Variants in ERC2 observed in about 807,000 individuals in gnomAD.
The protein encoded by ERC2 is ERC protein 2.
Under a neutral mutation model 114.8 loss-of-function variants are expected in ERC2, and 42 were observed. That is an observed-to-expected ratio of 0.37 (90% CI 0.29 to 0.47). The LOEUF is 0.47. Among genes scored for constraint, ERC2 ranks in the 20% least tolerant of loss-of-function variants. ERC2 has a pLI of 0.99. For synonymous variants in ERC2, 454 were observed against 425.5 expected, an observed-to-expected ratio of 1.07 and a Z score of -0.82; for missense variants, 939 against 1,150.7, an observed-to-expected ratio of 0.82 and a Z score of 2.66.
intron 6 of ERC2, 43 bp downstream of exon 6, chr3:56,139,466 A>T (rs770957350): frequency 6.3e-7 from 1 of 1,574,856 alleles, no homozygotes; most frequent in South Asian, 1.2e-5. Context: ...ATTTCTATCA[A>T]TTCAATGTCT....
chr3:55,550,025 A>C (rs2055058957), intron 17 of ERC2, among the ~76,000 whole-genome samples: 1 of 151,142 alleles, frequency 6.6e-6, no homozygotes. Context: ...CTTACTGCAC[A>C]TTGTCTGGAC....
At chr3:55,607,856 C>G (rs2058711084) in intron 17 of ERC2, 1 of 152,030 alleles carries the variant, frequency 6.6e-6, no homozygotes, top group Non-Finnish European at 1.5e-5. Context: ...GCAGAGGGAG[C>G]GCTTTGTTCT....
intron 17 of ERC2, among the ~76,000 whole-genome samples, chr3:55,620,804 G>GC: frequency 6.6e-6 from 1 of 152,254 alleles, no homozygotes; most frequent in African/African-American, 2.4e-5. Flanking sequence ...TCCCCAACTT[G>GC]CAGCCCTATC....
chr3:56,149,092 A>G lies in ERC2; in HGVS notation c.1190T>C (p.Leu397Pro). 6.2e-7 allele frequency: 1 copy of G among 1,612,928 alleles called. No homozygotes were observed. The highest frequency in any genetic ancestry group is 8.5e-7 in the Non-Finnish European group (1 of 1,179,346). Reference protein sequence around the residue: ...IASLERNIRDLEDEIQMLKAN... With the variant: ...IASLERNIRDPEDEIQMLKAN... Reference sequence around the variant, plus strand: ...TTTTAACATCTGGATCTCATCCTCAAGATCCCTTATGTTTCGTTCCAATGA... The same window carrying G: ...TTTTAACATCTGGATCTCATCCTCAGGATCCCTTATGTTTCGTTCCAATGA... Residue 397 changes from leucine (L) to proline (P), a missense_variant, in exon 5 of 18, where the codon CTT becomes CCT. Coordinates refer to ENST00000288221, the MANE Select transcript of ERC2 (RefSeq NM_015576.3).
chr3:56,120,716 G>A (rs1339894009), intron 6 of ERC2, among the ~76,000 whole-genome samples: 1 of 152,262 alleles, frequency 6.6e-6, no homozygotes, highest in African/African-American at 2.4e-5. Flanking sequence ...TCAAATATCT[G>A]AAAAGAGTTA....
intron 7 of ERC2, among the ~76,000 whole-genome samples, chr3:56,050,644 T>C (rs1276794441): frequency 1.3e-5 from 2 of 152,202 alleles, no homozygotes; most frequent in Non-Finnish European, 2.9e-5. Context: ...TGCTACATCC[T>C]GTCCTTGACA....
rs1560056254 is a variant in ERC2, at chr3:56,032,913, A to AAGAGAGAGAGAGAC, written c.1642-13883_1642-13882insGTCTCTCTCTCTCT. Among the ~76,000 whole-genome samples, 47 of 68,696 alleles carry AAGAGAGAGAGAGAC rather than the reference A, an allele frequency of 6.8e-4. 1 individual carries two copies. The highest frequency in any genetic ancestry group is 1.1e-3 in the South Asian group (2 of 1,772). 45.1% of individuals were successfully genotyped at this position (68,696 alleles called of 152,430 possible). ...AGAGAGAGAGAGACAGAAAGAAAGA[A>AAGAGAGAGAGAGAC]AGAAAGAAAGAAAGAAAGAAAGAAA... On this transcript the variant is annotated intron_variant, in intron 7 of 17. Transcript: ENST00000288221.
chr3:55,759,918 G>A (rs1043821179), intron 14 of ERC2, among the ~76,000 whole-genome samples: 4 of 152,168 alleles, frequency 2.6e-5, no homozygotes, highest in Admixed American at 6.5e-5. Context: ...TTTGGTTGAA[G>A]TTTCCTTAAA....
chr3:56,356,135 A>G (rs950831723), intron 2 of ERC2, among the ~76,000 whole-genome samples: 1 of 152,212 alleles, frequency 6.6e-6, no homozygotes, highest in African/African-American at 2.4e-5. Context: ...AATCAGTCCC[A>G]GATTATTTTT....
chr3:56,251,747 A>T (rs1006584981), intron 3 of ERC2, among the ~76,000 whole-genome samples: 3 of 152,192 alleles, frequency 2.0e-5, no homozygotes, highest in African/African-American at 7.2e-5. Context: ...AGGATATCTC[A>T]CAGCCTTAAA....
chr3:56,107,904 T>C (rs953326931), intron 6 of ERC2, among the ~76,000 whole-genome samples: 1 of 152,096 alleles, frequency 6.6e-6, no homozygotes, highest in Non-Finnish European at 1.5e-5. Flanking sequence ...CAGAAAAAAA[T>C]TGTTAATTGA....
At chr3:55,810,742 G>A (rs1419429787) in intron 14 of ERC2, among the ~76,000 whole-genome samples, 1 of 152,178 alleles carries the variant, frequency 6.6e-6, no homozygotes, top group East Asian at 1.9e-4. Flanking sequence ...TTACAGGCGT[G>A]AGCCACCACA....
chr3:55,594,844 T>C (rs2058058453), intron 17 of ERC2, among the ~76,000 whole-genome samples: 1 of 152,070 alleles, frequency 6.6e-6, no homozygotes, highest in Non-Finnish European at 1.5e-5. Flanking sequence ...TGATAACCTT[T>C]CTCAGTCTTT....
At chr3:55,922,194 A>G (rs924361044) in intron 13 of ERC2, among the ~76,000 whole-genome samples, 1 of 152,118 alleles carries the variant, frequency 6.6e-6, no homozygotes, top group Admixed American at 6.6e-5. Context: ...TATTTTTATT[A>G]CTGGGAGCAA....
intron 2 of ERC2, among the ~76,000 whole-genome samples, chr3:56,377,798 A>G (rs1270043606): frequency 6.6e-6 from 1 of 151,922 alleles, no homozygotes; most frequent in Non-Finnish European, 1.5e-5. Context: ...CAGGAGAACC[A>G]CTTGAGCCCA....
intron 17 of ERC2, among the ~76,000 whole-genome samples, chr3:55,537,695 G>A (rs1288083013): frequency 6.6e-6 from 1 of 152,156 alleles, no homozygotes; most frequent in Non-Finnish European, 1.5e-5. Flanking sequence ...TGTCTTGGAA[G>A]GAAATTAAAA....
chr3:56,124,164 T>C (rs549327041), intron 6 of ERC2, among the ~76,000 whole-genome samples: 37 of 152,340 alleles, frequency 2.4e-4, no homozygotes, highest in Non-Finnish European at 3.8e-4. Context: ...TTCTTAATGA[T>C]ATATAAGACT....
chr3:55,753,977 C>G (rs2066888147), intron 14 of ERC2, among the ~76,000 whole-genome samples: 1 of 152,024 alleles, frequency 6.6e-6, no homozygotes, highest in Non-Finnish European at 1.5e-5. Context: ...AATGAGAATC[C>G]TAATACACTT....
chr3:55,813,992 C>A (rs2059815365), intron 14 of ERC2, among the ~76,000 whole-genome samples: 1 of 152,090 alleles, frequency 6.6e-6, no homozygotes, highest in Admixed American at 6.6e-5. Context: ...GGAACAGGAT[C>A]TACATGGCCA....
Sources: allele counts gnomAD v4.1 joint callset (sites outside exome capture counted in the v4.1 genomes callset), GRCh38; gene constraint gnomAD v4.1.1; transcripts MANE v1.5; gene names NCBI Gene and HGNC (gene_info 2026-07-23, HGNC 2026-07-21).